Variants in CACNA2D3 observed in about 807,000 individuals in gnomAD.
CACNA2D3 encodes the protein calcium voltage-gated channel auxiliary subunit alpha2delta 3, also known as voltage-dependent calcium channel subunit alpha-2/delta-3.
CACNA2D3 carries 60 observed loss-of-function variants against 160.6 expected under a neutral mutation model. That is an observed-to-expected ratio of 0.37 (90% CI 0.30 to 0.46). The LOEUF (loss-of-function observed/expected upper bound fraction) is 0.46, where lower values mean the gene tolerates loss of function less well. CACNA2D3 is among the 20% of genes least tolerant of loss of function. The pLI is 1.00. For missense variants in CACNA2D3, 1,205 were observed against 1,365.0 expected (o/e 0.88, Z 1.85); for synonymous variants, 558 against 492.9 (o/e 1.13, Z -1.75).
In CACNA2D3 at chr3:54,581,830, C is replaced by T; in HGVS notation, c.916C>T (p.Pro306Ser). The change falls in exon 9 of 38, where the codon CCT becomes TCT. Residue 306 changes from proline (P) to serine (S), a missense_variant. Coordinates refer to ENST00000474759, the MANE Select transcript of CACNA2D3 (RefSeq NM_018398.3). ...TAATGAGGAGCTTCACTATGTGGAACCTTGCCTGAATGGAACTTTGGTGCA... is the reference window on the plus strand; with the variant it reads ...TAATGAGGAGCTTCACTATGTGGAATCTTGCCTGAATGGAACTTTGGTGCA... The part of the protein sequence containing the change: ...AYNEELHYVE[P>S]CLNGTLVQAD... The T allele has an allele frequency of 6.2e-7, 1 of 1,613,772 alleles. No homozygotes were observed. Among genetic ancestry groups the T allele is most frequent in the Non-Finnish European group, 8.5e-7 (1 of 1,179,832 alleles).
chr3:54,249,558 T>TAC (rs149515122), intron 2 of CACNA2D3, among the ~76,000 whole-genome samples: 2,890 of 123,826 alleles, frequency 0.023, 105 homozygotes, highest in South Asian at 0.094. Flanking sequence ...TCTGTTTACG[T>TAC]ACACACACAC....
chr3:54,457,299 T>G (rs1408623413), intron 4 of CACNA2D3, among the ~76,000 whole-genome samples: 4 of 152,116 alleles, frequency 2.6e-5, no homozygotes, highest in African/African-American at 9.6e-5. Context: ...AATCTCTTTC[T>G]TAATTCCTTC....
intron 2 of CACNA2D3, among the ~76,000 whole-genome samples, chr3:54,192,435 TG>T (rs1210247777): frequency 6.6e-6 from 1 of 152,178 alleles, no homozygotes. Context: ...CAGTATTCTT[TG>T]GTGTAAATGT....
At position 54,623,860 on chromosome 3, in the gene CACNA2D3, G is replaced by T. The variant is rs142047607; in HGVS notation, c.964-3927G>T. On this transcript the variant is annotated intron_variant, in intron 9 of 37. Transcript: ENST00000474759. ...ATGTAAATTCTACATGTGGCTCAAG[G>T]CTACCTAACTGGACAGAGCAGCTCT... Among the ~76,000 whole-genome samples the T allele has an allele frequency of 7.2e-3, 1,094 of 152,266 alleles. 20 individuals are homozygous for T. The highest frequency in any genetic ancestry group is 0.025 in the African/African-American group (1,039 of 41,548).
chr3:54,283,219 G>T (rs1014431075), intron 2 of CACNA2D3, among the ~76,000 whole-genome samples: 1 of 152,194 alleles, frequency 6.6e-6, no homozygotes, highest in African/African-American at 2.4e-5. Flanking sequence ...AAAGATGCCA[G>T]TCCTGTTTTC....
chr3:54,622,680 G>T (rs1337307756), intron 9 of CACNA2D3, among the ~76,000 whole-genome samples: 4 of 152,052 alleles, frequency 2.6e-5, no homozygotes, highest in African/African-American at 9.7e-5. Flanking sequence ...ACAATTTCTG[G>T]ATCTTACAAC....
At position 54,399,487 on chromosome 3, in the gene CACNA2D3, T is replaced by A. The variant is rs1392864588; in HGVS notation, c.381+12713T>A. ...GTCTTTGATGATGGTGATGTACAGA[T>A]GGGTTTTCGGTGTAGATGTCCTTTC... On this transcript the variant is annotated intron_variant, in intron 4 of 37. Coordinates refer to ENST00000474759, the MANE Select transcript of CACNA2D3 (RefSeq NM_018398.3). 6.4e-3 allele frequency among the ~76,000 whole-genome samples: 65 copies of A among 10,210 alleles called. 3 individuals carry two copies. Among genetic ancestry groups the A allele is most frequent in the East Asian group, 0.052 (35 of 674 alleles). 6.7% of individuals were successfully genotyped at this position (10,210 alleles called of 152,430 possible).
At chr3:54,514,558 G>A (rs1701513134) in intron 5 of CACNA2D3, among the ~76,000 whole-genome samples, 1 of 152,182 alleles carries the variant, frequency 6.6e-6, no homozygotes, top group African/African-American at 2.4e-5. Flanking sequence ...GAGCTTACAG[G>A]TCAGTGGGAA....
intron 2 of CACNA2D3, among the ~76,000 whole-genome samples, chr3:54,313,341 G>A (rs940939774): frequency 4.6e-5 from 7 of 151,886 alleles, no homozygotes; most frequent in Admixed American, 2.0e-4. Context: ...GCCATCTTTC[G>A]AGTCCTGGCC....
chr3:54,736,227 G>A (rs892564507), intron 11 of CACNA2D3, among the ~76,000 whole-genome samples: 4 of 149,822 alleles, frequency 2.7e-5, no homozygotes, highest in African/African-American at 9.9e-5. Context: ...TGTTCATTTA[G>A]TGATGTCTTT....
intron 2 of CACNA2D3, among the ~76,000 whole-genome samples, chr3:54,309,608 G>T (rs1317850669): frequency 9.2e-5 from 14 of 152,132 alleles, no homozygotes; most frequent in Admixed American, 9.2e-4. Flanking sequence ...CTCTAAAACA[G>T]CTAGTTGGGA....
chr3:54,139,731 C>T (rs183225830), intron 2 of CACNA2D3, among the ~76,000 whole-genome samples: 9 of 152,228 alleles, frequency 5.9e-5, no homozygotes, highest in Admixed American at 1.3e-4. Context: ...GACTAAATGA[C>T]GTTAATTGCT....
chr3:55,031,270 C>T (rs186283331), intron 35 of CACNA2D3, among the ~76,000 whole-genome samples: 4 of 152,302 alleles, frequency 2.6e-5, no homozygotes, highest in East Asian at 1.9e-4. Flanking sequence ...TGTGTTCCCC[C>T]CTTGCTGTGC....
intron 27 of CACNA2D3, among the ~76,000 whole-genome samples, chr3:54,900,676 C>T (rs993634302): frequency 2.0e-5 from 3 of 152,146 alleles, no homozygotes; most frequent in East Asian, 1.9e-4. Context: ...CTAAAGAGAG[C>T]GATTTTTGTT....
intron 29 of CACNA2D3, among the ~76,000 whole-genome samples, chr3:54,982,523 T>C (rs1481934393): frequency 6.6e-6 from 1 of 152,090 alleles, no homozygotes; most frequent in African/African-American, 2.4e-5. Context: ...CACCTGGGAT[T>C]CACCAGAAAG....
At chr3:54,339,447 T>C (rs1340802180) in intron 3 of CACNA2D3, among the ~76,000 whole-genome samples, 1 of 152,150 alleles carries the variant, frequency 6.6e-6, no homozygotes, top group East Asian at 1.9e-4. Flanking sequence ...TTTTCTCTCA[T>C]GTTGTCTTGT....
At chr3:54,702,871 A>G (rs1228978285) in intron 11 of CACNA2D3, among the ~76,000 whole-genome samples, 2 of 152,236 alleles carry the variant, frequency 1.3e-5, no homozygotes, top group Non-Finnish European at 2.9e-5. Context: ...AATGTGGTAC[A>G]TACACATCAT....
intron 5 of CACNA2D3, among the ~76,000 whole-genome samples, chr3:54,509,281 G>A (rs1701419736): frequency 1.5e-5 from 1 of 65,062 alleles, no homozygotes; most frequent in Non-Finnish European, 3.5e-5. Context: ...CCCTTCACGT[G>A]TGTGTGTGTT....
chr3:54,654,488 T>A (rs533524), intron 11 of CACNA2D3, among the ~76,000 whole-genome samples: 1 of 152,034 alleles, frequency 6.6e-6, no homozygotes, highest in Non-Finnish European at 1.5e-5. Flanking sequence ...GGACAAAAGA[T>A]AACTCTAGGT....
Sources: gnomAD v4.1 joint callset for allele counts (sites outside exome capture counted in the v4.1 genomes callset) on GRCh38, gnomAD v4.1.1 for gene constraint, MANE v1.5 for transcripts, NCBI Gene and HGNC (gene_info 2026-07-23, HGNC 2026-07-21) for gene names.